The following GLIPR1L1 variants were observed in gnomAD, a reference collection of about 807,000 sequenced individuals.
GLIPR1L1 encodes the protein GLIPR1-like protein 1.
In GLIPR1L1, 26 loss-of-function variants were observed where a neutral mutation model predicts 29.9. The ratio of observed to expected loss-of-function variants is 0.87; its 90% CI spans 0.64 to 1.21. The LOEUF is 1.21. Among genes scored for constraint, GLIPR1L1 ranks in the 50% most tolerant of loss-of-function variants. The probability of loss-of-function intolerance (pLI) is 0.00; values close to 1 mark genes in which losing one functional copy is unlikely to be tolerated. For missense variants in GLIPR1L1, 305 were observed against 290.3 expected, an observed-to-expected ratio of 1.05 and a Z score of -0.37; for synonymous variants, 77 against 97.5, an observed-to-expected ratio of 0.79 and a Z score of 1.24.
At chr12:75,342,541 C>T (rs2042188559) in intron 1 of GLIPR1L1, among the ~76,000 whole-genome samples, 1 of 152,088 alleles carries the variant, frequency 6.6e-6, no homozygotes, top group Non-Finnish European at 1.5e-5. Flanking sequence ...TGTTCTGTTC[C>T]ATTGAGCTAT....
chr12:75,343,068 G>C (rs964717970), intron 1 of GLIPR1L1, among the ~76,000 whole-genome samples: 1 of 151,734 alleles, frequency 6.6e-6, no homozygotes, highest in African/African-American at 2.4e-5. Context: ...CATGTAATCT[G>C]TGAATAATGA....
At chr12:75,358,831 A>G (rs1446365317) in intron 3 of GLIPR1L1, among the ~76,000 whole-genome samples, 3 of 144,288 alleles carry the variant, frequency 2.1e-5, no homozygotes, top group Admixed American at 1.4e-4. Context: ...TATATAATAT[A>G]TAACAATATA....
Position 75,370,140 on chromosome 12 carries a change from A to G in GLIPR1L1, c.693A>G (p.Pro231=). 1 of 1,602,600 alleles carries G rather than the reference A, an allele frequency of 6.2e-7. No homozygotes were observed. Among genetic ancestry groups the G allele is most frequent in the Non-Finnish European group, 8.5e-7 (1 of 1,171,284 alleles). ...GRAPQQTAFN[P]FSLGFLLLRI... is the part of the protein sequence containing the mutation. ...CACCTCAGCAGACAGCCTTTAATCC[A>G]TTCAGCTTAGGTTTTCTTCTTCTGA... Residue 231 remains proline, a synonymous_variant, in exon 6 of 6, where the codon CCA becomes CCG. Coordinates refer to ENST00000378695, the MANE Select transcript of GLIPR1L1 (RefSeq NM_001304964.2).
chr12:75,335,819 GT>G (rs1345567373), intron 1 of GLIPR1L1, among the ~76,000 whole-genome samples: 2 of 151,932 alleles, frequency 1.3e-5, no homozygotes, highest in African/African-American at 2.4e-5. Flanking sequence ...GCTTGGGGTT[GT>G]CCAAGGCATA....
chr12:75,368,403 CT>C (rs1212014642), intron 4 of GLIPR1L1, among the ~76,000 whole-genome samples: 4 of 151,622 alleles, frequency 2.6e-5, no homozygotes, highest in East Asian at 3.9e-4. Context: ...TACTTCTTTT[CT>C]TTTAGTGTCT....
At chr12:75,363,587 T>C (rs2043764605) in intron 4 of GLIPR1L1, among the ~76,000 whole-genome samples, 1 of 152,202 alleles carries the variant, frequency 6.6e-6, no homozygotes, top group Non-Finnish European at 1.5e-5. Context: ...ACTAACATGT[T>C]TCTCTTTCAT....
At chr12:75,358,856 T>C (rs938965873) in intron 3 of GLIPR1L1, among the ~76,000 whole-genome samples, 6 of 134,618 alleles carry the variant, frequency 4.5e-5, no homozygotes, top group East Asian at 4.2e-4. Context: ...ATATTATATA[T>C]GGTTTAAACA....
chr12:75,356,308 T>C (rs1388594032), intron 3 of GLIPR1L1, among the ~76,000 whole-genome samples: 1 of 152,192 alleles, frequency 6.6e-6, no homozygotes, highest in Non-Finnish European at 1.5e-5. Flanking sequence ...AATATGTTTA[T>C]AGATGACTGG....
chr12:75,361,060 A>C (rs182118353), intron 3 of GLIPR1L1: 1 of 152,166 alleles, frequency 6.6e-6, no homozygotes, highest in East Asian at 1.9e-4. Context: ...GCAAAAGAGA[A>C]ACTCTCAACA....
rs141752193 is a variant in GLIPR1L1 at position 75,358,737 on chromosome 12, T to C, written c.522-4365T>C. ...CCATATATATAATATATTATATATA[T>C]GGTTTAAATATATATAATATATTAT... On this transcript the variant is annotated intron_variant, in intron 3 of 5. Coordinates refer to ENST00000378695, the MANE Select transcript of GLIPR1L1 (RefSeq NM_001304964.2). Among the ~76,000 whole-genome samples the C allele has an allele frequency of 9.3e-3, 1,295 of 139,332 alleles. 13 individuals carry two copies. The highest frequency in any genetic ancestry group is 0.015 in the Non-Finnish European group (996 of 64,872). 91.4% of individuals were successfully genotyped at this position (139,332 alleles called of 152,430 possible).
chr12:75,341,083 TTGCACTTC>T (rs2042072225), intron 1 of GLIPR1L1, among the ~76,000 whole-genome samples: 1 of 151,962 alleles, frequency 6.6e-6, no homozygotes, highest in Admixed American at 6.6e-5. Context: ...AGACTTGCAA[TTGCACTTC>T]TGGGCACTTT....
intron 3 of GLIPR1L1, among the ~76,000 whole-genome samples, chr12:75,358,118 A>G (rs1421488721): frequency 6.6e-6 from 1 of 151,770 alleles, no homozygotes; most frequent in Non-Finnish European, 1.5e-5. Context: ...TCAAAAAAAG[A>G]TAAAAATAAT....
intron 1 of GLIPR1L1, among the ~76,000 whole-genome samples, chr12:75,340,238 A>G (rs1394626244): frequency 6.6e-6 from 1 of 151,422 alleles, no homozygotes; most frequent in Non-Finnish European, 1.5e-5. Flanking sequence ...TATTTTTAGA[A>G]CTGCAAATTG....
intron 3 of GLIPR1L1, among the ~76,000 whole-genome samples, chr12:75,350,221 A>G (rs1373727661): frequency 6.6e-6 from 1 of 152,188 alleles, no homozygotes; most frequent in African/African-American, 2.4e-5. Context: ...CCAGGGGTTT[A>G]TGGACAGATC....
At chr12:75,354,654 A>G (rs773250604) in intron 3 of GLIPR1L1, among the ~76,000 whole-genome samples, 2 of 152,204 alleles carry the variant, frequency 1.3e-5, no homozygotes, top group African/African-American at 2.4e-5. Context: ...GGAACCAAAA[A>G]AGGGTTTGTG....
rs200327101 is a variant in GLIPR1L1, at chr12:75,351,545, G to GT, written c.521+3827dup. ...GGAACAATATTTAACACTCTGTTTT[G>GT]TTTTGTTTTTTTTTTTTTTGAGATG... On this transcript the variant is annotated intron_variant, in intron 3 of 5. Coordinates refer to ENST00000378695, the MANE Select transcript of GLIPR1L1 (RefSeq NM_001304964.2). 2.4e-4 allele frequency among the ~76,000 whole-genome samples: 36 copies of GT among 148,506 alleles called. No homozygotes were observed. In the South Asian group the frequency reaches 4.9e-3, roughly 20 times the overall value.
intron 2 of GLIPR1L1, among the ~76,000 whole-genome samples, chr12:75,344,496 T>C (rs1287484992): frequency 2.0e-5 from 3 of 152,130 alleles, no homozygotes; most frequent in Non-Finnish European, 4.4e-5. Context: ...TCAATGAATA[T>C]ACCTAATATG....
chr12:75,341,934 G>T (rs1276940577), intron 1 of GLIPR1L1, among the ~76,000 whole-genome samples: 1 of 151,894 alleles, frequency 6.6e-6, no homozygotes, highest in African/African-American at 2.4e-5. Context: ...TTTTAGTAGC[G>T]ATGGGGTTTC....
At chr12:75,369,307 CATCTT>C (rs1329846088) in intron 4 of GLIPR1L1, among the ~76,000 whole-genome samples, 4 of 151,524 alleles carry the variant, frequency 2.6e-5, no homozygotes, top group Admixed American at 1.3e-4. Context: ...CATTTTTACT[CATCTT>C]ATTTATTTAT....
Sources: allele counts gnomAD v4.1 joint callset (sites outside exome capture counted in the v4.1 genomes callset), GRCh38; gene constraint gnomAD v4.1.1; transcripts MANE v1.5; gene names NCBI Gene and HGNC (gene_info 2026-07-23, HGNC 2026-07-21).